EPHA6: variants seen among roughly 807,000 people sequenced by gnomAD.
EPHA6 encodes EPH receptor A6, also known as ephrin type-A receptor 6.
In EPHA6, 50 loss-of-function variants were observed where a neutral mutation model predicts 112.0. The ratio of observed to expected loss-of-function variants is 0.45; its 90% CI spans 0.36 to 0.56. The LOEUF (loss-of-function observed/expected upper bound fraction) is 0.56, where lower values mean the gene tolerates loss of function less well. EPHA6 is among the 20% of genes least tolerant of loss of function. The probability of loss-of-function intolerance (pLI) is 0.00; values close to 1 mark genes in which losing one functional copy is unlikely to be tolerated. For missense variants in EPHA6, 1,280 were observed against 1,417.4 expected, an observed-to-expected ratio of 0.90 and a Z score of 1.56; for synonymous variants, 529 against 490.7, an observed-to-expected ratio of 1.08 and a Z score of -1.03.
chr3:97,707,242 T>C (rs1471249707), intron 14 of EPHA6, among the ~76,000 whole-genome samples: 2 of 152,202 alleles, frequency 1.3e-5, no homozygotes, highest in African/African-American at 4.8e-5. Context: ...AAATAATCAA[T>C]AAATTTACAT....
At chr3:97,163,074 C>T (rs1310361871) in intron 3 of EPHA6, among the ~76,000 whole-genome samples, 2 of 152,124 alleles carry the variant, frequency 1.3e-5, no homozygotes, top group African/African-American at 4.8e-5. Context: ...TAAGGTCTGG[C>T]TTACAGATAA....
intron 5 of EPHA6, among the ~76,000 whole-genome samples, chr3:97,270,310 C>A (rs1387992127): frequency 6.6e-6 from 1 of 152,120 alleles, no homozygotes; most frequent in African/African-American, 2.4e-5. Flanking sequence ...AAAGAGGGAT[C>A]CAATAATATG....
intron 5 of EPHA6, among the ~76,000 whole-genome samples, chr3:97,286,372 G>A (rs1461970300): frequency 6.6e-6 from 1 of 152,096 alleles, no homozygotes; most frequent in Non-Finnish European, 1.5e-5. Context: ...ATTTTCAAGT[G>A]TTACATTTAA....
intron 14 of EPHA6, among the ~76,000 whole-genome samples, chr3:97,669,271 T>C (rs78777655): frequency 2.0e-5 from 3 of 152,034 alleles, no homozygotes; most frequent in African/African-American, 2.4e-5. Flanking sequence ...GTTTTTTTTT[T>C]CTAATATATA....
intron 7 of EPHA6, among the ~76,000 whole-genome samples, chr3:97,461,734 T>C (rs2090895523): frequency 1.3e-5 from 2 of 152,166 alleles, no homozygotes; most frequent in Admixed American, 1.3e-4. Flanking sequence ...TTGGTGTTAG[T>C]TTTTGTTTAA....
chr3:96,844,649 C>T (rs62262935), intron 1 of EPHA6, among the ~76,000 whole-genome samples: 4,826 of 151,904 alleles, frequency 0.032, 109 homozygotes, highest in East Asian at 0.068. Context: ...TATAATCGTG[C>T]CAGAACATCT....
intron 5 of EPHA6, among the ~76,000 whole-genome samples, chr3:97,344,180 G>A (rs1427189691): frequency 2.6e-5 from 4 of 152,090 alleles, no homozygotes; most frequent in African/African-American, 9.7e-5. Context: ...TTGGACTTTA[G>A]ACATTAGGAT....
intron 3 of EPHA6, among the ~76,000 whole-genome samples, chr3:97,065,257 AAC>A (rs2046141381): frequency 6.6e-6 from 1 of 152,158 alleles, no homozygotes; most frequent in Admixed American, 6.6e-5. Context: ...TTAAATGCTG[AAC>A]ATAGTTGACA....
intron 11 of EPHA6, among the ~76,000 whole-genome samples, chr3:97,542,650 G>C (rs1417162336): frequency 6.6e-6 from 1 of 152,176 alleles, no homozygotes; most frequent in Non-Finnish European, 1.5e-5. Context: ...TCTAGTTCTA[G>C]ATCCCTGAAG....
At chr3:97,646,155 G>A in intron 14 of EPHA6, 2 of 1,535,388 alleles carry the variant, frequency 1.3e-6, no homozygotes, top group Non-Finnish European at 1.7e-6. Flanking sequence ...ATCAGAACTG[G>A]TTAAAGAAGA....
At chr3:97,495,554 T>C (rs905891867) in intron 10 of EPHA6, among the ~76,000 whole-genome samples, 4 of 152,108 alleles carry the variant, frequency 2.6e-5, no homozygotes, top group Non-Finnish European at 5.9e-5. Context: ...ATATTCCTAT[T>C]CAATTTCATT....
At chr3:97,464,454 G>T (rs888731297) in intron 7 of EPHA6, among the ~76,000 whole-genome samples, 3 of 152,044 alleles carry the variant, frequency 2.0e-5, no homozygotes, top group Non-Finnish European at 4.4e-5. Flanking sequence ...AAGCAATAGA[G>T]AAATCCTTCC....
chr3:97,569,583 A>G (rs532816927), intron 11 of EPHA6, among the ~76,000 whole-genome samples: 45 of 152,210 alleles, frequency 3.0e-4, no homozygotes, highest in Non-Finnish European at 5.4e-4. Context: ...AACTAACTGA[A>G]CATATATTTA....
intron 14 of EPHA6, among the ~76,000 whole-genome samples, chr3:97,686,985 C>A (rs2032298707): frequency 6.6e-6 from 1 of 152,128 alleles, no homozygotes; most frequent in Non-Finnish European, 1.5e-5. Context: ...TGTTTACAGC[C>A]AGCTGGTAGA....
intron 11 of EPHA6, among the ~76,000 whole-genome samples, chr3:97,557,980 C>T (rs1299160166): frequency 6.6e-6 from 1 of 151,992 alleles, no homozygotes; most frequent in Non-Finnish European, 1.5e-5. Context: ...GCTCAGTCTC[C>T]TTTGATCAAC....
At chr3:96,815,789 A>T (rs1257929029) in intron 1 of EPHA6, among the ~76,000 whole-genome samples, 1 of 152,198 alleles carries the variant, frequency 6.6e-6, no homozygotes, top group African/African-American at 2.4e-5. Context: ...CTATTCATAC[A>T]ATCTTCATGA....
At chr3:97,194,011 A>C (rs2077375873) in intron 3 of EPHA6, among the ~76,000 whole-genome samples, 1 of 151,874 alleles carries the variant, frequency 6.6e-6, no homozygotes, top group Non-Finnish European at 1.5e-5. Context: ...TTGCTTATTT[A>C]TTCAAAAAAA....
chr3:97,264,407 C>A (rs1385481361), intron 5 of EPHA6, among the ~76,000 whole-genome samples: 1 of 152,244 alleles, frequency 6.6e-6, no homozygotes, highest in Non-Finnish European at 1.5e-5. Context: ...CTCTGCAAAG[C>A]TGGAACTGTA....
chr3:97,685,969 A>G (rs1459695606), intron 14 of EPHA6, among the ~76,000 whole-genome samples: 1 of 152,130 alleles, frequency 6.6e-6, no homozygotes, highest in Non-Finnish European at 1.5e-5. Context: ...GAGCCCTGGA[A>G]TGGCAAATGG....
Sources: gnomAD v4.1 joint callset for allele counts (sites outside exome capture counted in the v4.1 genomes callset) on GRCh38, gnomAD v4.1.1 for gene constraint, MANE v1.5 for transcripts, NCBI Gene and HGNC (gene_info 2026-07-23, HGNC 2026-07-21) for gene names.